Variants in CAMK2B observed in about 807,000 individuals in gnomAD.
The protein encoded by CAMK2B is calcium/calmodulin-dependent protein kinase type II subunit beta.
In CAMK2B, 27 loss-of-function variants were observed where a neutral mutation model predicts 93.7. The observed-to-expected ratio is 0.29, with a 90% CI of 0.21 to 0.40. The LOEUF is 0.40. Ranked by LOEUF, CAMK2B falls within the 10% of genes least tolerant of loss-of-function variation. CAMK2B has a pLI of 1.00. For synonymous variants in CAMK2B, 374 were observed against 358.8 expected (o/e 1.04, Z -0.48); for missense variants, 568 against 895.8 (o/e 0.63, Z 4.67).
rs1318039402 is a variant in CAMK2B, at chr7:44,283,131, C to A, written c.160+1000G>T. ...CCACCTGGCGCTCTGGCACACCCCA[C>A]CTTGGGGCTCCAGCAGGACCCCTGC... On this transcript the variant is annotated intron_variant, in intron 2 of 23. Coordinates refer to ENST00000395749, the MANE Select transcript of CAMK2B (RefSeq NM_001220.5). Among the ~76,000 whole-genome samples the A allele has an allele frequency of 2.0e-4, 30 of 152,256 alleles. 1 individual carries two copies. Among genetic ancestry groups the A allele is most frequent in the Admixed American group, 2.0e-3 (30 of 15,288 alleles).
rs1793931607 is a variant in CAMK2B at position 44,312,939 on chromosome 7, G to A, written c.65+12418C>T. Among the ~76,000 whole-genome samples, 1 of 152,140 alleles carries A rather than the reference G, an allele frequency of 6.6e-6. No individual in the cohort carries two copies. Among genetic ancestry groups the A allele is most frequent in the Admixed American group, 6.5e-5 (1 of 15,274 alleles). ...TGTTATGATGAAAGGATGGGGATGG[G>A]GTGGTGGTAGGCAGTGGGCCCAGGA... On this transcript the variant is annotated intron_variant, in intron 1 of 23. Coordinates refer to ENST00000395749, the MANE Select transcript of CAMK2B (RefSeq NM_001220.5). The surrounding 1 kb of genome is among the most constrained non-coding windows in gnomAD (Gnocchi z 4.1).
intron 2 of CAMK2B, 33 bp from the exon 3 acceptor site, chr7:44,263,097 T>G: frequency 1.2e-6 from 2 of 1,606,726 alleles, no homozygotes; most frequent in Non-Finnish European, 1.7e-6. Context: ...CGTCACCTCC[T>G]GCGCCAGCAA....
chr7:44,318,893 G>A (rs1031012528), intron 1 of CAMK2B, among the ~76,000 whole-genome samples: 13 of 152,218 alleles, frequency 8.5e-5, no homozygotes, highest in African/African-American at 2.4e-4. Context: ...ACCAGGAACT[G>A]AGCCCTCAAC....
chr7:44,283,495 T>C (rs1382350280), intron 2 of CAMK2B, among the ~76,000 whole-genome samples: 1 of 152,212 alleles, frequency 6.6e-6, no homozygotes, highest in Non-Finnish European at 1.5e-5. Flanking sequence ...CTCAAGGCCC[T>C]TCCTCGCACA....
At chr7:44,290,691 TG>T (rs1786544485) in intron 1 of CAMK2B, among the ~76,000 whole-genome samples, 3 of 152,356 alleles carry the variant, frequency 2.0e-5, no homozygotes, top group East Asian at 3.8e-4. Flanking sequence ...AATGAGCTCT[TG>T]GGAGTGCCAG....
intron 1 of CAMK2B, 129 bp downstream of exon 1, chr7:44,325,228 G>C: frequency 2.7e-6 from 1 of 367,194 alleles, no homozygotes; most frequent in South Asian, 1.1e-4. Context: ...CCGTGCGCTT[G>C]GGCCCGGAGC....
chr7:44,320,543 T>C (rs1038760992), intron 1 of CAMK2B, among the ~76,000 whole-genome samples: 8 of 152,180 alleles, frequency 5.3e-5, no homozygotes, highest in Non-Finnish European at 8.8e-5. Context: ...CGCGTTAATA[T>C]AATAAGCACC....
chr7:44,234,907 T>C (rs1400341764), intron 13 of CAMK2B, among the ~76,000 whole-genome samples: 1 of 152,146 alleles, frequency 6.6e-6, no homozygotes, highest in African/African-American at 2.4e-5. Flanking sequence ...CCTGCAAGCA[T>C]CCAGATTTCT....
chr7:44,282,421 G>A (rs1436394714), intron 2 of CAMK2B, among the ~76,000 whole-genome samples: 2 of 152,226 alleles, frequency 1.3e-5, no homozygotes, highest in African/African-American at 4.8e-5. Flanking sequence ...GGTTGGGAGC[G>A]CATGCCTCTG....
intron 10 of CAMK2B, 139 bp from the exon 11 acceptor site, chr7:44,241,922 C>T (rs1449379527): frequency 1.4e-6 from 1 of 710,968 alleles, no homozygotes; most frequent in Non-Finnish European, 2.4e-6. Flanking sequence ...TGTCTGTCCC[C>T]ACCCGCCTGG....
At chr7:44,298,940 T>C (rs1209565974) in intron 1 of CAMK2B, among the ~76,000 whole-genome samples, 2 of 151,996 alleles carry the variant, frequency 1.3e-5, no homozygotes, top group East Asian at 3.9e-4. Context: ...TGTGCATTGC[T>C]GGTGGGAATG....
intron 8 of CAMK2B, 24 bp from the exon 9 acceptor site, chr7:44,242,678 C>T (rs892839698): frequency 1.8e-5 from 28 of 1,540,074 alleles, no homozygotes; most frequent in African/African-American, 2.7e-5. Flanking sequence ...CTGTGAGCAC[C>T]GCAGCCACTT....
intron 23 of CAMK2B, 85 bp downstream of exon 23, chr7:44,219,975 C>G (rs35148004): frequency 1.7e-6 from 2 of 1,165,866 alleles, no homozygotes; most frequent in African/African-American, 1.5e-5. Context: ...CAGGCCCCAC[C>G]GCTCCCCATC....
intron 1 of CAMK2B, among the ~76,000 whole-genome samples, chr7:44,302,972 T>C (rs1310492567): frequency 6.6e-6 from 1 of 152,270 alleles, no homozygotes; most frequent in East Asian, 1.9e-4. Flanking sequence ...AAAACTGTCT[T>C]TGTTCATAAA....
intron 17 of CAMK2B, 40 bp from the exon 18 acceptor site, chr7:44,229,541 C>T: frequency 9.3e-7 from 1 of 1,076,192 alleles, no homozygotes; most frequent in East Asian, 3.2e-5. Context: ...GGGTGGTGCG[C>T]CCGCAGGAAA....
intron 2 of CAMK2B, chr7:44,268,615 G>A (rs1287408995): frequency 1.3e-5 from 2 of 152,406 alleles, no homozygotes; most frequent in African/African-American, 2.4e-5. Flanking sequence ...CCTCTCAGGA[G>A]CAGGGACCAC....
In CAMK2B at chr7:44,325,349, G is replaced by A; in HGVS notation, c.65+8C>T. On this transcript the variant is annotated splice_region_variant and intron_variant, in intron 1 of 23. Coordinates refer to ENST00000395749, the MANE Select transcript of CAMK2B (RefSeq NM_001220.5). ...CCCGGCCCAGCCCGCGCGCGCCGCT[G>A]CTCTTACTTGCCAATATCCTCGTAG... 1.6e-6 allele frequency: 2 copies of A among 1,249,032 alleles called. No homozygotes were observed. Among genetic ancestry groups the A allele is most frequent in the African/African-American group, 1.6e-5 (1 of 62,402 alleles). 77.4% of individuals were successfully genotyped at this position (1,249,032 alleles called of 1,614,324 possible). A position where few individuals can be genotyped will look rare whatever the true frequency, so the allele number is the denominator to read the frequency against.
chr7:44,300,456 C>T (rs75713380), intron 1 of CAMK2B, among the ~76,000 whole-genome samples: 1,935 of 151,812 alleles, frequency 0.013, 47 homozygotes, highest in African/African-American at 0.044. Context: ...GCCACTGCAC[C>T]CACCCAGGAG....
At chr7:44,315,676 T>C (rs1794684966) in intron 1 of CAMK2B, among the ~76,000 whole-genome samples, 1 of 152,230 alleles carries the variant, frequency 6.6e-6, no homozygotes, top group Admixed American at 6.5e-5. Context: ...TTTAACAATA[T>C]TAAATATTCC....
Sources: allele counts gnomAD v4.1 joint callset (sites outside exome capture counted in the v4.1 genomes callset), GRCh38; gene constraint gnomAD v4.1.1; non-coding constraint Gnocchi (gnomAD v3.1); transcripts MANE v1.5; gene names NCBI Gene and HGNC (gene_info 2026-07-23, HGNC 2026-07-21).